Variants in ITSN1 observed in about 807,000 individuals in gnomAD.
The protein encoded by ITSN1 is intersectin-1.
ITSN1 carries 58 observed loss-of-function variants against 239.8 expected under a neutral mutation model. That is an observed-to-expected ratio of 0.24 (90% confidence interval 0.20 to 0.30). ITSN1 has a LOEUF of 0.30. Ranked by LOEUF, ITSN1 falls within the 10% of genes least tolerant of loss-of-function variation. The pLI is 1.00. For missense variants in ITSN1, 1,558 were observed against 2,103.3 expected (o/e 0.74, Z 5.07); for synonymous variants, 780 against 770.8 (o/e 1.01, Z -0.20).
chr21:33,702,093 ATTTTTTTTTTTTTTTTT>A (rs1162454097), intron 1 of ITSN1, among the ~76,000 whole-genome samples: 7 of 148,616 alleles, frequency 4.7e-5, no homozygotes, highest in African/African-American at 9.9e-5. Flanking sequence ...AAACAAAAAA[ATTTTTTTTTTTTTTTTT>A]TTTTTTTTTT....
chr21:33,810,473 A>G (rs1165363334), intron 20 of ITSN1, among the ~76,000 whole-genome samples: 1 of 151,984 alleles, frequency 6.6e-6, no homozygotes, highest in Admixed American at 6.6e-5. Flanking sequence ...CGTGGAAACC[A>G]TTTAAGGCCA....
intron 1 of ITSN1, among the ~76,000 whole-genome samples, chr21:33,695,421 AT>A (rs1348134565): frequency 6.6e-6 from 1 of 152,250 alleles, no homozygotes; most frequent in Non-Finnish European, 1.5e-5. Context: ...GGGAAATGTT[AT>A]TCAGTGAAGT....
chr21:33,884,291 C>T (rs1985431135), intron 36 of ITSN1, among the ~76,000 whole-genome samples: 1 of 152,166 alleles, frequency 6.6e-6, no homozygotes, highest in Non-Finnish European at 1.5e-5. Context: ...TTTCCCCTGG[C>T]TTCCCAGGTG....
chr21:33,826,610 T>C (rs1193096763), intron 25 of ITSN1, among the ~76,000 whole-genome samples: 4 of 152,246 alleles, frequency 2.6e-5, no homozygotes, highest in South Asian at 2.1e-4. Flanking sequence ...TTTTCTCTTA[T>C]AGAAATGAGT....
chr21:33,654,137 TC>T (rs914732010), intron 1 of ITSN1, among the ~76,000 whole-genome samples: 2 of 151,462 alleles, frequency 1.3e-5, no homozygotes, highest in African/African-American at 4.9e-5. Flanking sequence ...TCCCCAACCT[TC>T]CAGGTTCAAG....
intron 14 of ITSN1, 71 bp from the exon 15 acceptor site, chr21:33,781,390 C>T (rs998977838): frequency 1.9e-5 from 16 of 828,988 alleles, no homozygotes; most frequent in Non-Finnish European, 3.3e-5. Flanking sequence ...GACTTAAGCT[C>T]TGCCTGGATC....
At chr21:33,696,561 T>C (rs1486727043) in intron 1 of ITSN1, among the ~76,000 whole-genome samples, 1 of 152,240 alleles carries the variant, frequency 6.6e-6, no homozygotes, top group African/African-American at 2.4e-5. Flanking sequence ...TAGGGCATTT[T>C]ATAATTACTG....
chr21:33,876,814 G>A (rs936954178), intron 34 of ITSN1, among the ~76,000 whole-genome samples: 99 of 152,248 alleles, frequency 6.5e-4, no homozygotes, highest in African/African-American at 2.4e-3. Flanking sequence ...CAAGGGTAAG[G>A]TGAGCTATGA....
intron 24 of ITSN1, among the ~76,000 whole-genome samples, chr21:33,821,160 A>G (rs2073650653): frequency 6.6e-6 from 1 of 152,232 alleles, no homozygotes; most frequent in Non-Finnish European, 1.5e-5. Flanking sequence ...CAATAGCAGT[A>G]TGGAGGAGTG....
chr21:33,834,533 G>A (rs1444621476), intron 28 of ITSN1, 109 bp downstream of exon 28: 1 of 782,928 alleles, frequency 1.3e-6, no homozygotes, highest in Admixed American at 2.1e-5. Context: ...GTGCTTTAAA[G>A]CACTTCCTGT....
rs1289574695 is a variant in ITSN1, at chr21:33,890,745, A to G, written c.*2445A>G. ...CTACCTTCTTGACCACCTGGGCTAT[A>G]TTTCATAGAAATTAAATGCTCCTTG... On this transcript the variant is annotated 3_prime_UTR_variant, in exon 40 of 40. Transcript: ENST00000381318. The G allele has an allele frequency of 6.6e-6, 1 of 152,068 alleles. No homozygotes were observed. Among genetic ancestry groups the G allele is most frequent in the African/African-American group, 2.4e-5 (1 of 41,382 alleles). The allele number at this position is 152,068 out of a possible 1,614,324, so 9.4% of individuals were successfully genotyped here.
At chr21:33,688,867 T>TGCAGTGGTGCAGTGGC (rs1205663962) in intron 1 of ITSN1, among the ~76,000 whole-genome samples, 1 of 151,750 alleles carries the variant, frequency 6.6e-6, no homozygotes, top group Non-Finnish European at 1.5e-5. Flanking sequence ...AGTGCAGTGG[T>TGCAGTGGTGCAGTGGC]GCAGTGGTGC....
intron 1 of ITSN1, among the ~76,000 whole-genome samples, chr21:33,710,372 G>GT (rs1262610170): frequency 6.6e-6 from 1 of 151,784 alleles, no homozygotes; most frequent in Admixed American, 6.6e-5. Flanking sequence ...ACCCGGCCTG[G>GT]TTTTTTTTAA....
At chr21:33,775,167 C>A in intron 14 of ITSN1, 59 bp downstream of exon 14, 1 of 1,533,616 alleles carries the variant, frequency 6.5e-7, no homozygotes, top group South Asian at 1.2e-5. Context: ...TTCTCTAATT[C>A]ATTTCATTTA....
At chr21:33,867,736 A>G (rs1374387724) in intron 33 of ITSN1, among the ~76,000 whole-genome samples, 2 of 151,428 alleles carry the variant, frequency 1.3e-5, no homozygotes, top group African/African-American at 2.4e-5. Flanking sequence ...CCTCGCGGTG[A>G]GTGTTACAGC....
chr21:33,843,852 T>C (rs575927652), intron 29 of ITSN1, among the ~76,000 whole-genome samples: 1 of 152,226 alleles, frequency 6.6e-6, no homozygotes, highest in Non-Finnish European at 1.5e-5. Context: ...TATGGAGAGA[T>C]AATGATGACA....
intron 34 of ITSN1, 102 bp downstream of exon 34, chr21:33,875,623 G>C: frequency 1.9e-6 from 2 of 1,030,398 alleles, no homozygotes; most frequent in South Asian, 3.2e-5. Context: ...CTCCCCAGCC[G>C]ATAGCATCCT....
At position 33,892,279 on chromosome 21, in the gene ITSN1, T is replaced by C. The variant is rs1317058583; in HGVS notation, c.*3979T>C. 1 of 152,222 alleles carries C rather than the reference T, an allele frequency of 6.6e-6. No homozygotes were observed. Among genetic ancestry groups the C allele is most frequent in the African/African-American group, 2.4e-5 (1 of 41,448 alleles). 9.4% of individuals were successfully genotyped at this position (152,222 alleles called of 1,614,324 possible). ...AGCATGATGAAGCCCTCAGACAGTA[T>C]AGTCTGAGCCACCATAAGAGGCATT... On this transcript the variant is annotated 3_prime_UTR_variant, in exon 40 of 40. Transcript: ENST00000381318.
chr21:33,710,018 T>A (rs2092366025), intron 1 of ITSN1, among the ~76,000 whole-genome samples: 1 of 151,960 alleles, frequency 6.6e-6, no homozygotes. Flanking sequence ...TGTTCATGGA[T>A]CCCCTATATC....
Sources: allele counts gnomAD v4.1 joint callset (sites outside exome capture counted in the v4.1 genomes callset), GRCh38; gene constraint gnomAD v4.1.1; transcripts MANE v1.5; gene names NCBI Gene and HGNC (gene_info 2026-07-23, HGNC 2026-07-21).